Variants in OR1J2 observed in about 807,000 individuals in gnomAD.
OR1J2 encodes the protein olfactory receptor 1J2.
For missense variants in OR1J2, 304 were observed against 246.1 expected (o/e 1.24, Z -1.57); for synonymous variants, 142 against 99.7 (o/e 1.42, Z -2.52).
At chr9:122,563,004 G>A in the OR1J2 span, among the ~76,000 whole-genome samples, 8 of 152,096 alleles carry the variant, frequency 5.3e-5, no homozygotes, top group East Asian at 1.9e-4. Flanking sequence ...ACTCTTTGAC[G>A]TACTTATTTC....
the OR1J2 span, among the ~76,000 whole-genome samples, chr9:122,574,127 A>T: frequency 1.3e-5 from 2 of 152,146 alleles, no homozygotes; most frequent in Non-Finnish European, 2.9e-5. Flanking sequence ...GTAGCTTTGA[A>T]GTCAGGTAGT....
At chr9:122,465,601 C>T in the OR1J2 span, among the ~76,000 whole-genome samples, 1 of 152,162 alleles carries the variant, frequency 6.6e-6, no homozygotes, top group Non-Finnish European at 1.5e-5. Context: ...AGACTGTGGT[C>T]CTAATATTAA....
chr9:122,504,638 G>A, the OR1J2 span, among the ~76,000 whole-genome samples: 10 of 152,076 alleles, frequency 6.6e-5, no homozygotes, highest in Non-Finnish European at 1.2e-4. Context: ...GTCCCCTTGT[G>A]ACCACATACA....
At chr9:122,561,716 A>G in the OR1J2 span, among the ~76,000 whole-genome samples, 2 of 152,118 alleles carry the variant, frequency 1.3e-5, no homozygotes, top group Non-Finnish European at 2.9e-5. Flanking sequence ...TGCTCCTTCC[A>G]TTGGTATCGC....
chr9:122,458,963 C>G, the OR1J2 span, among the ~76,000 whole-genome samples: 1 of 151,488 alleles, frequency 6.6e-6, no homozygotes, highest in African/African-American at 2.4e-5. Flanking sequence ...TTTAATTTAT[C>G]TGTCTCTTTT....
chr9:122,561,366 A>C, the OR1J2 span, among the ~76,000 whole-genome samples: 1 of 152,128 alleles, frequency 6.6e-6, no homozygotes, highest in Admixed American at 6.5e-5. Context: ...TCCTCCATCC[A>C]GTTCACGCCC....
At chr9:122,460,651 T>A in the OR1J2 span, among the ~76,000 whole-genome samples, 11 of 152,186 alleles carry the variant, frequency 7.2e-5, no homozygotes, top group Non-Finnish European at 1.5e-4. Context: ...CTGTAAAGAA[T>A]GATGGTGTTA....
At chr9:122,520,162 A>C in the OR1J2 span, 2 of 1,004,738 alleles carry the variant, frequency 2.0e-6, no homozygotes, top group Non-Finnish European at 2.9e-6. Context: ...CCAGCAAGGG[A>C]TAAGTGCTCA....
At chr9:122,495,565 C>T in the OR1J2 span, among the ~76,000 whole-genome samples, 1 of 151,864 alleles carries the variant, frequency 6.6e-6, no homozygotes, top group East Asian at 1.9e-4. Context: ...CCATCTATTT[C>T]ACTGAAGAAT....
the OR1J2 span, among the ~76,000 whole-genome samples, chr9:122,500,494 C>T: frequency 6.6e-6 from 1 of 152,156 alleles, no homozygotes; most frequent in African/African-American, 2.4e-5. Flanking sequence ...CAGAGTTGAT[C>T]TCTATGTACT....
chr9:122,526,313 G>T, the OR1J2 span: 1 of 1,245,326 alleles, frequency 8.0e-7, no homozygotes, highest in South Asian at 2.1e-5. Context: ...CCGTTTGTCT[G>T]ACTCCAAGCC....
the OR1J2 span, among the ~76,000 whole-genome samples, chr9:122,555,904 T>A: frequency 6.6e-6 from 1 of 152,220 alleles, no homozygotes; most frequent in Non-Finnish European, 1.5e-5. Flanking sequence ...TAGTTTACAT[T>A]GGAGTTCATT....
At position 122,511,545 on chromosome 9, in the gene OR1J2, GTCTC is replaced by G. The variant is rs780949007; in HGVS notation, c.748_751del (p.Leu250IlefsTer14). ...CATGTGGCTCCCATCTCTCTGTGGT[GTCTC>G]TCTATTATGGGTCAATATTTGGCCA... is the stretch of plus-strand genomic sequence containing the variant. On this transcript the variant is annotated frameshift_variant, in exon 1 of 1. Transcript: ENST00000335302. LOFTEE classifies it low-confidence loss of function (END_TRUNC). 7.0e-5 allele frequency: 55 copies of G among 780,922 alleles called. 1 individual carries two copies. The highest frequency in any genetic ancestry group is 2.2e-4 in the Middle Eastern group (1 of 4,464). The allele number at this position is 780,922 out of a possible 1,614,324, so 48.4% of individuals were successfully genotyped here. A position where few individuals can be genotyped will look rare whatever the true frequency, so the allele number is the denominator to read the frequency against.
the OR1J2 span, among the ~76,000 whole-genome samples, chr9:122,470,249 A>G: frequency 0.9 from 136,539 of 152,204 alleles, 61,515 homozygotes; most frequent in African/African-American, 0.97. Flanking sequence ...TGCAGTATAG[A>G]GACTTGGTGC....
At chr9:122,475,420 C>G in the OR1J2 span, among the ~76,000 whole-genome samples, 1 of 152,190 alleles carries the variant, frequency 6.6e-6, no homozygotes, top group African/African-American at 2.4e-5. Flanking sequence ...ATATATGAAA[C>G]TTGCTAAGTG....
At chr9:122,527,371 A>C in the OR1J2 span, 3 of 811,856 alleles carry the variant, frequency 3.7e-6, no homozygotes, top group South Asian at 3.6e-5. Flanking sequence ...CTGACTCCCA[A>C]ATCTCCCTTT....
At chr9:122,561,512 A>T in the OR1J2 span, among the ~76,000 whole-genome samples, 1 of 151,802 alleles carries the variant, frequency 6.6e-6, no homozygotes, top group Non-Finnish European at 1.5e-5. Flanking sequence ...TGACCCTTGG[A>T]TGAGGTTTTT....
chr9:122,541,728 T>G, the OR1J2 span, among the ~76,000 whole-genome samples: 1 of 152,208 alleles, frequency 6.6e-6, no homozygotes, highest in African/African-American at 2.4e-5. Flanking sequence ...ATACTGACAT[T>G]GAGGGGTTTC....
At chr9:122,483,605 A>G in the OR1J2 span, among the ~76,000 whole-genome samples, 1 of 152,228 alleles carries the variant, frequency 6.6e-6, no homozygotes, top group Non-Finnish European at 1.5e-5. Context: ...AAAAGGTATT[A>G]AAAATTTCTT....
Sources: gnomAD v4.1 joint callset for allele counts (sites outside exome capture counted in the v4.1 genomes callset) on GRCh38, gnomAD v4.1.1 for gene constraint, MANE v1.5 for transcripts, NCBI Gene and HGNC (gene_info 2026-07-23, HGNC 2026-07-21) for gene names.